ELMO1: variants seen among roughly 807,000 people sequenced by gnomAD.
ELMO1 encodes engulfment and cell motility 1.
ELMO1 carries 26 observed loss-of-function variants against 98.9 expected under a neutral mutation model. That is an observed-to-expected ratio of 0.26 (90% CI 0.19 to 0.36). The LOEUF is 0.36. ELMO1 is among the 10% of genes least tolerant of loss of function. The probability of loss-of-function intolerance (pLI) is 1.00; values close to 1 mark genes in which losing one functional copy is unlikely to be tolerated. For synonymous variants in ELMO1, 346 were observed against 346.0 expected (o/e 1.00, Z 0.00); for missense variants, 627 against 935.2 (o/e 0.67, Z 4.30).
At chr7:37,439,889 A>G (rs1805320789) in intron 1 of ELMO1, among the ~76,000 whole-genome samples, 1 of 152,230 alleles carries the variant, frequency 6.6e-6, no homozygotes, top group Non-Finnish European at 1.5e-5. Context: ...CTGACTTACT[A>G]TAAAAGTGAC....
At chr7:37,125,008 C>T (rs1274003218) in intron 14 of ELMO1, among the ~76,000 whole-genome samples, 2 of 152,144 alleles carry the variant, frequency 1.3e-5, no homozygotes, top group Non-Finnish European at 2.9e-5. Context: ...TGATCTTTGA[C>T]AAACCTGACA....
chr7:37,128,620 A>G (rs1396146641), intron 14 of ELMO1, among the ~76,000 whole-genome samples: 1 of 152,176 alleles, frequency 6.6e-6, no homozygotes, highest in Non-Finnish European at 1.5e-5. Flanking sequence ...AACATGAGAA[A>G]CCAGGCTGTC....
At chr7:37,072,453 C>G (rs1385140829) in intron 15 of ELMO1, among the ~76,000 whole-genome samples, 1 of 152,156 alleles carries the variant, frequency 6.6e-6, no homozygotes, top group Non-Finnish European at 1.5e-5. Flanking sequence ...CATTAAACCT[C>G]TTTCTTTTGT....
intron 15 of ELMO1, among the ~76,000 whole-genome samples, chr7:37,027,159 C>A (rs1455719683): frequency 1.3e-5 from 2 of 152,182 alleles, no homozygotes; most frequent in Non-Finnish European, 2.9e-5. Context: ...CCCTCTCTCC[C>A]CCAACTTTCT....
intron 16 of ELMO1, among the ~76,000 whole-genome samples, chr7:36,948,361 T>C (rs1409612906): frequency 6.6e-6 from 1 of 152,128 alleles, no homozygotes; most frequent in Non-Finnish European, 1.5e-5. Context: ...AAGTCCGGAG[T>C]AAGGAGAAGA....
In ELMO1 at chr7:36,855,174, T is replaced by C. The variant is rs930635231; in HGVS notation, c.*377A>G. Reference sequence around the variant, plus strand: ...GGGCCTTGGGGCACTGCCCTTGGTCTGGTGGGCAAGTTTTTGGGCAGTCTG... The same window carrying C: ...GGGCCTTGGGGCACTGCCCTTGGTCCGGTGGGCAAGTTTTTGGGCAGTCTG... On this transcript the variant is annotated 3_prime_UTR_variant, in exon 22 of 22. Transcript: ENST00000310758. This position sits in a 1 kb window ranked among gnomAD's most constrained non-coding sequence, Gnocchi z 4.2. 1.1e-5 allele frequency: 3 copies of C among 273,840 alleles called. No homozygotes were observed. The highest frequency in any genetic ancestry group is 2.1e-5 in the Non-Finnish European group (3 of 141,054). 17.0% of individuals were successfully genotyped at this position (273,840 alleles called of 1,614,324 possible).
intron 2 of ELMO1, among the ~76,000 whole-genome samples, chr7:37,327,411 G>A (rs979755415): frequency 4.6e-5 from 7 of 152,212 alleles, no homozygotes; most frequent in Admixed American, 1.3e-4. Flanking sequence ...GATGTTATCA[G>A]GCTAGGAGAG....
intron 17 of ELMO1, 54 bp from the exon 18 acceptor site, chr7:36,887,726 C>T: frequency 1.3e-6 from 2 of 1,550,466 alleles, no homozygotes; most frequent in Non-Finnish European, 8.9e-7. Context: ...CAGAGTGTGG[C>T]TTGGTGGGCA....
At chr7:36,868,930 C>A (rs900353872) in intron 20 of ELMO1, among the ~76,000 whole-genome samples, 1 of 152,130 alleles carries the variant, frequency 6.6e-6, no homozygotes, top group Non-Finnish European at 1.5e-5. Context: ...CTGAGCAGAG[C>A]CCGTGCTCTC....
At chr7:36,956,717 G>C (rs1007618887) in intron 16 of ELMO1, among the ~76,000 whole-genome samples, 1 of 152,144 alleles carries the variant, frequency 6.6e-6, no homozygotes, top group Non-Finnish European at 1.5e-5. Context: ...AAAATATGTT[G>C]TTCCTATATA....
At chr7:37,151,544 A>T (rs1020652289) in intron 13 of ELMO1, among the ~76,000 whole-genome samples, 6 of 152,132 alleles carry the variant, frequency 3.9e-5, no homozygotes, top group African/African-American at 1.4e-4. Context: ...CTTAAGTGAC[A>T]CTATCTGGCC....
intron 13 of ELMO1, among the ~76,000 whole-genome samples, chr7:37,193,008 T>TATAC (rs1184401217): frequency 8.5e-4 from 106 of 124,972 alleles, no homozygotes; most frequent in African/African-American, 2.2e-3. Context: ...TATATATATA[T>TATAC]ACACACACAC....
chr7:37,285,541 T>C (rs1367599791), intron 4 of ELMO1, among the ~76,000 whole-genome samples: 1 of 152,218 alleles, frequency 6.6e-6, no homozygotes, highest in Non-Finnish European at 1.5e-5. Context: ...TGGGACACTG[T>C]ATTGTGGTGA....
At chr7:36,864,159 G>A (rs952198168) in intron 20 of ELMO1, among the ~76,000 whole-genome samples, 4 of 152,182 alleles carry the variant, frequency 2.6e-5, no homozygotes, top group African/African-American at 9.7e-5. Flanking sequence ...GACAAGAGCC[G>A]GTGTGAACAG....
chr7:37,406,788 T>C (rs1803788064), intron 1 of ELMO1, among the ~76,000 whole-genome samples: 1 of 152,080 alleles, frequency 6.6e-6, no homozygotes, highest in South Asian at 2.1e-4. Context: ...AAATATAGCA[T>C]TAGCTAGAGG....
At chr7:37,118,174 TAA>T (rs1402342880) in intron 14 of ELMO1, among the ~76,000 whole-genome samples, 1 of 152,210 alleles carries the variant, frequency 6.6e-6, no homozygotes, top group Admixed American at 6.5e-5. Context: ...TAGTTTATTT[TAA>T]AGTCTTGGCG....
At chr7:37,290,422 C>T (rs1797615468) in intron 4 of ELMO1, among the ~76,000 whole-genome samples, 1 of 152,078 alleles carries the variant, frequency 6.6e-6, no homozygotes, top group Non-Finnish European at 1.5e-5. Flanking sequence ...TTTTGTTAAT[C>T]TTTAAAAGAT....
intron 14 of ELMO1, among the ~76,000 whole-genome samples, chr7:37,129,149 T>C (rs1786730266): frequency 6.6e-6 from 1 of 151,800 alleles, no homozygotes; most frequent in Admixed American, 6.6e-5. Flanking sequence ...CAAAGGCTAC[T>C]ATGGTGGTGG....
rs141623771 is a variant in ELMO1, at chr7:36,869,380, C to T, written c.1905+1013G>A. ...TCATAGTACTTTTGTTTTTCCTTAA[C>T]TATAGATAGGGCCATCCTGCAAAGA... On this transcript the variant is annotated intron_variant, in intron 20 of 21. Coordinates refer to ENST00000310758, the MANE Select transcript of ELMO1 (RefSeq NM_014800.11). 4.1e-4 allele frequency among the ~76,000 whole-genome samples: 63 copies of T among 152,326 alleles called. 1 individual carries two copies. The East Asian group carries it at 7.1e-3, about 17-fold the overall frequency.
Sources: gnomAD v4.1 joint callset for allele counts (sites outside exome capture counted in the v4.1 genomes callset) on GRCh38, gnomAD v4.1.1 for gene constraint, Gnocchi (gnomAD v3.1) non-coding constraint, MANE v1.5 for transcripts, NCBI Gene and HGNC (gene_info 2026-07-23, HGNC 2026-07-21) for gene names.